The following MSR1 variants were observed in gnomAD, a reference collection of about 807,000 sequenced individuals.
The protein encoded by MSR1 is macrophage scavenger receptor types I and II.
MSR1 carries 53 observed loss-of-function variants against 47.2 expected under a neutral mutation model. The ratio of observed to expected loss-of-function variants is 1.12; its 90% confidence interval spans 0.90 to 1.41. The LOEUF (loss-of-function observed/expected upper bound fraction) is 1.41. MSR1 is among the 40% of genes most tolerant of loss of function. The pLI, the probability that MSR1 is intolerant of heterozygous loss-of-function variation, is 0.00. For synonymous variants in MSR1, 239 were observed against 185.6 expected, an observed-to-expected ratio of 1.29 and a Z score of -2.34; for missense variants, 786 against 546.9, an observed-to-expected ratio of 1.44 and a Z score of -4.36.
At chr8:16,180,192 C>G (rs756197135) in intron 1 of MSR1, among the ~76,000 whole-genome samples, 9 of 151,976 alleles carry the variant, frequency 5.9e-5, no homozygotes, top group South Asian at 4.1e-4. Context: ...TTCACTCTTT[C>G]ACTTTCCAGA....
At chr8:16,132,016 T>TA (rs1022540645) in intron 8 of MSR1, among the ~76,000 whole-genome samples, 3 of 151,948 alleles carry the variant, frequency 2.0e-5, no homozygotes, top group African/African-American at 7.3e-5. Context: ...TTTTTCTAAT[T>TA]ACGTGAAGAA....
chr8:16,110,953 G>A (rs538676658), intron 9 of MSR1, among the ~76,000 whole-genome samples: 1 of 152,012 alleles, frequency 6.6e-6, no homozygotes, highest in Non-Finnish European at 1.5e-5. Flanking sequence ...ACAGTATTGA[G>A]GCTTTTTTAC....
At chr8:16,112,729 AT>A (rs911318709) in intron 9 of MSR1, among the ~76,000 whole-genome samples, 3 of 151,376 alleles carry the variant, frequency 2.0e-5, no homozygotes, top group Non-Finnish European at 4.4e-5. Flanking sequence ...CACTGTTATT[AT>A]TTTTTTTGTG....
intron 8 of MSR1, among the ~76,000 whole-genome samples, chr8:16,128,662 A>G (rs1426221079): frequency 6.6e-6 from 1 of 152,190 alleles, no homozygotes; most frequent in African/African-American, 2.4e-5. Flanking sequence ...AACGAGAAAT[A>G]GCATACTTCA....
intron 8 of MSR1, among the ~76,000 whole-genome samples, chr8:16,131,890 A>G (rs1800269075): frequency 6.6e-6 from 1 of 151,940 alleles, no homozygotes; most frequent in African/African-American, 2.4e-5. Context: ...GTACCCCTGT[A>G]GTATAGTTTG....
intron 9 of MSR1, among the ~76,000 whole-genome samples, chr8:16,115,155 G>C (rs905584148): frequency 6.6e-6 from 1 of 152,080 alleles, no homozygotes; most frequent in African/African-American, 2.4e-5. Flanking sequence ...CTCCAGCCTG[G>C]GCAACAAGAG....
chr8:16,166,282 CG>C (rs1341994625), intron 4 of MSR1, among the ~76,000 whole-genome samples: 1 of 148,842 alleles, frequency 6.7e-6, no homozygotes, highest in Non-Finnish European at 1.5e-5. Flanking sequence ...GTGGTTCTCC[CG>C]AGTAGCTGGG....
At chr8:16,132,760 T>C (rs1166771138) in intron 8 of MSR1, among the ~76,000 whole-genome samples, 1 of 152,086 alleles carries the variant, frequency 6.6e-6, no homozygotes, top group Admixed American at 6.6e-5. Flanking sequence ...AGATGCCCTA[T>C]ATTTCCTTAT....
chr8:16,116,244 G>T (rs942004849), intron 9 of MSR1, among the ~76,000 whole-genome samples: 1 of 152,104 alleles, frequency 6.6e-6, no homozygotes, highest in Admixed American at 6.5e-5. Context: ...AATCTGCCAG[G>T]TCAGTATTAT....
chr8:16,186,447 C>A (rs1373419616), intron 1 of MSR1, among the ~76,000 whole-genome samples: 2 of 152,116 alleles, frequency 1.3e-5, no homozygotes, highest in African/African-American at 2.4e-5. Flanking sequence ...TAACAACACC[C>A]CTGCTTAGAA....
intron 9 of MSR1, among the ~76,000 whole-genome samples, chr8:16,113,454 G>C (rs1298994808): frequency 6.6e-6 from 1 of 152,150 alleles, no homozygotes; most frequent in Non-Finnish European, 1.5e-5. Flanking sequence ...AAAAGTGCCT[G>C]AATGTGTATT....
chr8:16,135,347 A>T (rs772516620), intron 8 of MSR1, among the ~76,000 whole-genome samples: 3 of 152,162 alleles, frequency 2.0e-5, no homozygotes, highest in Non-Finnish European at 4.4e-5. Flanking sequence ...AGTTATGCTA[A>T]ATGTCCTCTC....
rs549323783 is a variant in MSR1, at chr8:16,122,451, CA to C, written c.1034-1846del. Reference sequence around the variant, plus strand: ...CATGCTATGAAAAATCAGGCATACTCAAACATTTGATTATATGAGCATCGTT... The same window carrying C: ...CATGCTATGAAAAATCAGGCATACTCAACATTTGATTATATGAGCATCGTT... On this transcript the variant is annotated intron_variant, in intron 8 of 9. Coordinates refer to ENST00000262101, the MANE Select transcript of MSR1 (RefSeq NM_138715.3). 3.3e-5 allele frequency among the ~76,000 whole-genome samples: 5 copies of C among 152,228 alleles called. No individual in the cohort carries two copies. The South Asian group carries it at 1.0e-3, about 32-fold the overall frequency.
chr8:16,181,041 C>T (rs1024026871), intron 1 of MSR1, among the ~76,000 whole-genome samples: 2 of 152,170 alleles, frequency 1.3e-5, no homozygotes, highest in African/African-American at 4.8e-5. Context: ...TAGATCCACA[C>T]TCTTCTCTAT....
chr8:16,118,672 G>C (rs1196452420), intron 9 of MSR1, among the ~76,000 whole-genome samples: 1 of 151,984 alleles, frequency 6.6e-6, no homozygotes, highest in African/African-American at 2.4e-5. Flanking sequence ...AGGGAGATCT[G>C]TCTCCAAAAC....
chr8:16,124,993 A>G (rs1030976616), intron 8 of MSR1, among the ~76,000 whole-genome samples: 121 of 152,282 alleles, frequency 7.9e-4, no homozygotes, highest in African/African-American at 2.6e-3. Context: ...AAAAATCATG[A>G]AGGAAAGATT....
intron 6 of MSR1, among the ~76,000 whole-genome samples, chr8:16,150,770 T>C (rs1400921760): frequency 6.6e-6 from 1 of 151,962 alleles, no homozygotes; most frequent in Non-Finnish European, 1.5e-5. Context: ...GTGTCTTGGC[T>C]CTGAAATATA....
chr8:16,174,781 T>A (rs528862940), intron 3 of MSR1, among the ~76,000 whole-genome samples: 15 of 151,752 alleles, frequency 9.9e-5, no homozygotes, highest in South Asian at 8.3e-4. Flanking sequence ...ACAACAGGCT[T>A]TTTTTTTATA....
chr8:16,154,078 A>G (rs964274691), intron 6 of MSR1, among the ~76,000 whole-genome samples: 3 of 151,792 alleles, frequency 2.0e-5, no homozygotes, highest in Admixed American at 2.0e-4. Context: ...ATATACATAT[A>G]TATACATATA....
Sources: gnomAD v4.1 joint callset for allele counts (sites outside exome capture counted in the v4.1 genomes callset) on GRCh38, gnomAD v4.1.1 for gene constraint, MANE v1.5 for transcripts, NCBI Gene and HGNC (gene_info 2026-07-23, HGNC 2026-07-21) for gene names.